The following ABRAXAS2 variants were observed in gnomAD, a reference collection of about 807,000 sequenced individuals.
The protein encoded by ABRAXAS2 is abraxas 2, BRISC complex subunit.
ABRAXAS2 carries 23 observed loss-of-function variants against 49.0 expected under a neutral mutation model. The observed-to-expected ratio is 0.47, with a 90% confidence interval of 0.34 to 0.66. The LOEUF is 0.66. Ranked by LOEUF, ABRAXAS2 falls within the 30% of genes least tolerant of loss-of-function variation. ABRAXAS2 has a pLI of 0.01. For synonymous variants in ABRAXAS2, 168 were observed against 180.2 expected, an observed-to-expected ratio of 0.93 and a Z score of 0.54; for missense variants, 443 against 511.9, an observed-to-expected ratio of 0.87 and a Z score of 1.30.
chr10:124,834,095 C>T (rs143349801), intron 8 of ABRAXAS2, among the ~76,000 whole-genome samples: 33 of 152,264 alleles, frequency 2.2e-4, no homozygotes, highest in African/African-American at 7.9e-4. Flanking sequence ...TCCATTTCAA[C>T]CTTTGGGTCC....
chr10:124,808,403 C>T lies in ABRAXAS2; in HGVS notation c.163+1482C>T, dbSNP rs186113932. ...GTGTTAGCCAGGACGGTCTTGATCT[C>T]CTGACCTCGTGATCCGCCCACCTCA... is the stretch of plus-strand genomic sequence containing the variant. On this transcript the variant is annotated intron_variant, in intron 2 of 8. Coordinates refer to ENST00000298492, the MANE Select transcript of ABRAXAS2 (RefSeq NM_032182.4). 4.0e-3 allele frequency among the ~76,000 whole-genome samples: 614 copies of T among 152,246 alleles called. 2 individuals are homozygous for T. Among genetic ancestry groups the T allele is most frequent in the Non-Finnish European group, 7.0e-3 (478 of 68,022 alleles).
rs780308531 is a variant in ABRAXAS2 at position 124,834,845 on chromosome 10, C to A, written c.1122C>A (p.Asp374Glu). The change falls in exon 9 of 9, where the codon GAC (aspartate) becomes GAA (glutamate). Residue 374 changes from aspartate (D) to glutamate (E), a missense_variant. Asp to Glu is a conservative substitution (Grantham distance 45, BLOSUM62 2). This residue lies in a region of ABRAXAS2 where 230 missense variants were observed against 237.0 expected (regional missense o/e 0.97). Coordinates refer to ENST00000298492, the MANE Select transcript of ABRAXAS2 (RefSeq NM_032182.4). ...AAGDSGEDSD[D>E]SDYENLIDPT... ...GAGACAGTGGTGAGGATTCAGACGACAGTGATTATGAAAATTTGATTGACC... is the reference window on the plus strand; with the variant it reads ...GAGACAGTGGTGAGGATTCAGACGAAAGTGATTATGAAAATTTGATTGACC... 18 of 1,613,962 alleles carry A rather than the reference C, an allele frequency of 1.1e-5. No individual in the cohort carries two copies. Among genetic ancestry groups the A allele is most frequent in the Admixed American group, 1.7e-5 (1 of 59,968 alleles).
intron 5 of ABRAXAS2, among the ~76,000 whole-genome samples, chr10:124,828,385 G>A (rs2134171431): frequency 6.6e-6 from 1 of 151,870 alleles, no homozygotes; most frequent in African/African-American, 2.4e-5. Flanking sequence ...TATTTATTTA[G>A]AGATACAGTC....
intron 7 of ABRAXAS2, 95 bp from the exon 8 acceptor site, chr10:124,831,254 A>G (rs1950930521): frequency 2.6e-6 from 2 of 761,902 alleles, no homozygotes; most frequent in Non-Finnish European, 4.6e-6. Flanking sequence ...TCAATAAACC[A>G]TCTGGACTTT....
chr10:124,821,972 C>T lies in ABRAXAS2; in HGVS notation c.267+2522C>T, dbSNP rs537572159. 2.6e-5 allele frequency among the ~76,000 whole-genome samples: 4 copies of T among 152,324 alleles called. No homozygotes were observed. The East Asian group carries it at 7.7e-4, about 29-fold the overall frequency. On this transcript the variant is annotated intron_variant, in intron 4 of 8. Transcript: ENST00000298492. ...ATACATTTAATCCTTGCACCAGACC[C>T]GTGAGGCAAATTACTCATTTTATAG...
chr10:124,801,839 T>G lies in ABRAXAS2; in HGVS notation c.10T>G (p.Ser4Ala), dbSNP rs1342447086. ...GCTGGAGATTTCCATCATGGCGGCG[T>G]CCATTTCGGGCTACACCTTCAGTGC... is the stretch of plus-strand genomic sequence containing the variant. MAA[S>A]ISGYTFSAVC... Residue 4 changes from serine (S) to alanine (A), a missense_variant, in exon 1 of 9, where the codon TCC (serine) becomes GCC (alanine). Coordinates refer to ENST00000298492, the MANE Select transcript of ABRAXAS2 (RefSeq NM_032182.4). 1 of 1,613,076 alleles carries G rather than the reference T, an allele frequency of 6.2e-7. No individual in the cohort carries two copies. Among genetic ancestry groups the G allele is most frequent in the Non-Finnish European group, 8.5e-7 (1 of 1,179,706 alleles).
At chr10:124,810,629 C>G (rs2134160317) in intron 2 of ABRAXAS2, among the ~76,000 whole-genome samples, 1 of 150,162 alleles carries the variant, frequency 6.7e-6, no homozygotes, top group African/African-American at 2.4e-5. Flanking sequence ...TGTCACCAGG[C>G]TGGAGTGCAG....
intron 2 of ABRAXAS2, among the ~76,000 whole-genome samples, chr10:124,812,662 C>A (rs544991112): frequency 2.6e-5 from 4 of 151,632 alleles, no homozygotes; most frequent in Non-Finnish European, 4.4e-5. Flanking sequence ...TAAATAAATA[C>A]ACATTTGAAA....
At chr10:124,809,738 C>T (rs1950773342) in intron 2 of ABRAXAS2, among the ~76,000 whole-genome samples, 1 of 151,590 alleles carries the variant, frequency 6.6e-6, no homozygotes, top group Non-Finnish European at 1.5e-5. Flanking sequence ...AAACTTTCTT[C>T]AAACATTATG....
rs1950955221 is a variant in ABRAXAS2, at chr10:124,834,521, A to C, written c.798A>C (p.Leu266Phe). The change falls in exon 9 of 9, where the codon TTA becomes TTC. Residue 266 changes from leucine (L) to phenylalanine (F), a missense_variant. Coordinates refer to ENST00000298492, the MANE Select transcript of ABRAXAS2 (RefSeq NM_032182.4). ...ATCCAGGATTGCAGCAGGCAGTGTT[A>C]AGCAGACAGATGCCGTCTGAAAGCT... ...EQERRLQQAV[L>F]SRQMPSESLD... is the part of the protein sequence containing the mutation. 1.4e-5 allele frequency: 22 copies of C among 1,613,730 alleles called. No individual in the cohort carries two copies. In the East Asian group the frequency reaches 4.9e-4, roughly 36 times the overall value.
Position 124,806,893 on chromosome 10 carries a change from C to T in ABRAXAS2, c.135C>T (p.Ile45=), listed in dbSNP as rs779856997. Residue 45 remains isoleucine (I), a synonymous_variant, in exon 2 of 9, where the codon ATC becomes ATT. Coordinates refer to ENST00000298492, the MANE Select transcript of ABRAXAS2 (RefSeq NM_032182.4). ...EETFSISDSQ[I]SNTEFLQVIE... is the part of the protein sequence containing the mutation. ...CGTTTAGCATCAGTGACTCACAAAT[C>T]AGCAACACAGAATTTCTGCAAGTAA... 2 of 1,611,514 alleles carry T rather than the reference C, an allele frequency of 1.2e-6. No homozygotes were observed. The highest frequency in any genetic ancestry group is 1.7e-6 in the Non-Finnish European group (2 of 1,178,446).
chr10:124,825,698 CTCAGAGTTGGTT>C (rs1950892120), intron 4 of ABRAXAS2, among the ~76,000 whole-genome samples: 1 of 152,184 alleles, frequency 6.6e-6, no homozygotes, highest in South Asian at 2.1e-4. Context: ...AAGATTTTAA[CTCAGAGTTGGTT>C]TCAAAGAAGG....
Position 124,834,508 on chromosome 10 carries a change from A to G in ABRAXAS2, c.785A>G (p.Gln262Arg). 6.2e-7 allele frequency: 1 copy of G among 1,611,126 alleles called. No homozygotes were observed. Among genetic ancestry groups the G allele is most frequent in the South Asian group, 1.1e-5 (1 of 90,954 alleles). Reference protein sequence around the residue: ...KNEKEQERRLQQAVLSRQMPS... With the variant: ...KNEKEQERRLRQAVLSRQMPS... ...ATTCTTTGTTTTCATCCAGGATTGCAGCAGGCAGTGTTAAGCAGACAGATG... is the reference window on the plus strand; with the variant it reads ...ATTCTTTGTTTTCATCCAGGATTGCGGCAGGCAGTGTTAAGCAGACAGATG... The change falls in exon 9 of 9, where the codon CAG becomes CGG. Residue 262 changes from glutamine to arginine, a missense_variant. By Grantham distance (43) the Gln-to-Arg change is conservative. Coordinates refer to ENST00000298492, the MANE Select transcript of ABRAXAS2 (RefSeq NM_032182.4).
intron 1 of ABRAXAS2, among the ~76,000 whole-genome samples, chr10:124,805,358 GTGTC>G (rs1296135907): frequency 6.9e-6 from 1 of 145,926 alleles, no homozygotes; most frequent in Non-Finnish European, 1.5e-5. Flanking sequence ...AAAAAAAAAA[GTGTC>G]TGTCTTTCCC....
At chr10:124,804,903 G>A (rs930600496) in intron 1 of ABRAXAS2, among the ~76,000 whole-genome samples, 3 of 151,204 alleles carry the variant, frequency 2.0e-5, no homozygotes, top group African/African-American at 4.9e-5. Context: ...TAGTAGAGAC[G>A]GGGTTTCTCC....
chr10:124,808,359 G>T (rs759367686), intron 2 of ABRAXAS2, among the ~76,000 whole-genome samples: 6 of 152,070 alleles, frequency 3.9e-5, no homozygotes, highest in Admixed American at 3.3e-4. Flanking sequence ...TGTATTTTTA[G>T]TAGAGACGGG....
chr10:124,807,095 G>A (rs1457476542), intron 2 of ABRAXAS2, among the ~76,000 whole-genome samples, 174 bp downstream of exon 2: 12 of 149,196 alleles, frequency 8.0e-5, no homozygotes, highest in Admixed American at 6.0e-4. Flanking sequence ...GGCGGATCAC[G>A]AGGTCAGGAG....
intron 2 of ABRAXAS2, among the ~76,000 whole-genome samples, chr10:124,810,661 C>T (rs1037166648): frequency 4.0e-5 from 6 of 151,102 alleles, no homozygotes; most frequent in Non-Finnish European, 8.8e-5. Flanking sequence ...CAGCTCACTG[C>T]AGCCTCCACC....
intron 2 of ABRAXAS2, among the ~76,000 whole-genome samples, chr10:124,810,992 G>C (rs558935825): frequency 3.0e-4 from 46 of 151,350 alleles, no homozygotes; most frequent in Middle Eastern, 3.4e-3. Flanking sequence ...GGCCGAGGTG[G>C]GTGGATCACG....
Sources: gnomAD v4.1 joint callset for allele counts (sites outside exome capture counted in the v4.1 genomes callset) on GRCh38, gnomAD v4.1.1 for gene constraint, gnomAD v4.1.1 regional missense constraint, MANE v1.5 for transcripts, NCBI Gene and HGNC (gene_info 2026-07-23, HGNC 2026-07-21) for gene names.